Variants in DCUN1D3 observed in about 807,000 individuals in gnomAD.
DCUN1D3 encodes defective in cullin neddylation 1 domain containing 3.
Under a neutral mutation model 24.8 loss-of-function variants are expected in DCUN1D3, and 6 were observed. The observed-to-expected ratio is 0.24, with a 90% CI of 0.13 to 0.48. DCUN1D3 has a LOEUF of 0.48. Ranked by LOEUF, DCUN1D3 falls within the 20% of genes least tolerant of loss-of-function variation. The probability of loss-of-function intolerance (pLI) is 0.99; values close to 1 mark genes in which losing one functional copy is unlikely to be tolerated. For synonymous variants in DCUN1D3, 120 were observed against 144.9 expected, an observed-to-expected ratio of 0.83 and a Z score of 1.24; for missense variants, 258 against 379.4, an observed-to-expected ratio of 0.68 and a Z score of 2.66.
In DCUN1D3 at chr16:20,862,364, C is replaced by A. The variant is rs755845816; in HGVS notation, c.175G>T (p.Ala59Ser). 6.2e-6 allele frequency: 10 copies of A among 1,614,074 alleles called. No individual in the cohort carries two copies. In the Admixed American group the frequency reaches 1.7e-4, roughly 27 times the overall value. ...GDILVNGTKK[A>S]EAATEACQLP... ...TGGCAGGCCTCAGTGGCAGCCTCGG[C>A]CTTCTTGGTCCCGTTGACGAGGATA... is the stretch of plus-strand genomic sequence containing the variant. Residue 59 changes from alanine to serine, a missense_variant, in exon 2 of 3, where the codon GCC becomes TCC. Ala to Ser is a moderately conservative substitution (Grantham distance 99). Transcript: ENST00000324344.
chr16:20,863,608 T>C (rs958790864), intron 1 of DCUN1D3, among the ~76,000 whole-genome samples: 10 of 152,024 alleles, frequency 6.6e-5, no homozygotes, highest in South Asian at 4.2e-4. Context: ...TAGTTGGGTG[T>C]GGTGATGCAC....
intron 1 of DCUN1D3, among the ~76,000 whole-genome samples, chr16:20,877,599 G>C (rs990421190): frequency 6.6e-5 from 10 of 152,200 alleles, no homozygotes; most frequent in African/African-American, 2.2e-4. Context: ...AGGCTTTATT[G>C]CTTTAAATAT....
At chr16:20,861,240 G>C (rs1195960662) in intron 2 of DCUN1D3, among the ~76,000 whole-genome samples, 1 of 152,208 alleles carries the variant, frequency 6.6e-6, no homozygotes, top group Non-Finnish European at 1.5e-5. Flanking sequence ...TGGCTTCATG[G>C]AGGGAGAGAG....
At chr16:20,895,345 C>T (rs1405215899) in intron 1 of DCUN1D3, among the ~76,000 whole-genome samples, 1 of 152,118 alleles carries the variant, frequency 6.6e-6, no homozygotes. Context: ...AATCCTCCCA[C>T]ATAATAAAAC....
intron 1 of DCUN1D3, among the ~76,000 whole-genome samples, chr16:20,880,621 A>C (rs2081838619): frequency 6.8e-6 from 1 of 146,536 alleles, no homozygotes; most frequent in Non-Finnish European, 1.5e-5. Flanking sequence ...AAAAAAAAAA[A>C]AAAAAAAACA....
intron 1 of DCUN1D3, among the ~76,000 whole-genome samples, chr16:20,884,027 A>T (rs923947293): frequency 6.6e-6 from 1 of 152,218 alleles, no homozygotes; most frequent in African/African-American, 2.4e-5. Context: ...AGGTTATTCT[A>T]CCATGAGAAG....
chr16:20,895,532 G>A (rs778088700), intron 1 of DCUN1D3, among the ~76,000 whole-genome samples: 91 of 152,272 alleles, frequency 6.0e-4, no homozygotes, highest in Middle Eastern at 3.4e-3. Flanking sequence ...ACCACTTTAT[G>A]TAAGTCTTGA....
intron 1 of DCUN1D3, among the ~76,000 whole-genome samples, chr16:20,878,147 A>G (rs2081825486): frequency 6.6e-6 from 1 of 152,066 alleles, no homozygotes; most frequent in Admixed American, 6.5e-5. Context: ...CATTCGAAGC[A>G]CCCACTACCT....
chr16:20,859,740 C>A lies in DCUN1D3; in HGVS notation c.*146G>T. 9.8e-6 allele frequency: 11 copies of A among 1,121,364 alleles called. No individual in the cohort carries two copies. The highest frequency in any genetic ancestry group is 2.0e-5 in the South Asian group (1 of 49,828). The allele number at this position is 1,121,364 out of a possible 1,614,324, so 69.5% of individuals were successfully genotyped here. On this transcript the variant is annotated 3_prime_UTR_variant, in exon 3 of 3. Coordinates refer to ENST00000324344, the MANE Select transcript of DCUN1D3 (RefSeq NM_173475.4). ...AGAAAGTGCCTAAAACATGATACAG[C>A]ATTTTAGAGCCCTTTCAGATACAAG...
chr16:20,894,413 C>T (rs2081905956), intron 1 of DCUN1D3, among the ~76,000 whole-genome samples: 1 of 152,324 alleles, frequency 6.6e-6, no homozygotes, highest in African/African-American at 2.4e-5. Flanking sequence ...ACACTATACA[C>T]TGCTGCTATC....
intron 1 of DCUN1D3, among the ~76,000 whole-genome samples, chr16:20,866,239 T>G (rs966657992): frequency 6.6e-6 from 1 of 152,212 alleles, no homozygotes; most frequent in African/African-American, 2.4e-5. Context: ...TCCAGATTTG[T>G]GTTCCTAAAG....
At chr16:20,863,091 G>A (rs2081742068) in intron 1 of DCUN1D3, among the ~76,000 whole-genome samples, 1 of 152,198 alleles carries the variant, frequency 6.6e-6, no homozygotes, top group Non-Finnish European at 1.5e-5. Context: ...GTAGGGAGAA[G>A]GGGTGGCCAT....
chr16:20,890,254 C>A (rs1012854983), intron 1 of DCUN1D3, among the ~76,000 whole-genome samples: 1 of 152,092 alleles, frequency 6.6e-6, no homozygotes, highest in Non-Finnish European at 1.5e-5. Flanking sequence ...GTCTGCTGGG[C>A]AGAAGTTCAG....
At chr16:20,871,857 C>T (rs971608953) in intron 1 of DCUN1D3, among the ~76,000 whole-genome samples, 3 of 152,162 alleles carry the variant, frequency 2.0e-5, no homozygotes, top group Non-Finnish European at 4.4e-5. Context: ...TAAATGGGCA[C>T]CAAATTTCTA....
chr16:20,867,176 C>T (rs1253445612), intron 1 of DCUN1D3, among the ~76,000 whole-genome samples: 2 of 152,200 alleles, frequency 1.3e-5, no homozygotes, highest in Non-Finnish European at 2.9e-5. Flanking sequence ...CATGATCACA[C>T]ATCTGGCTCA....
intron 1 of DCUN1D3, among the ~76,000 whole-genome samples, chr16:20,899,163 G>C (rs2081941456): frequency 6.6e-6 from 1 of 152,186 alleles, no homozygotes; most frequent in African/African-American, 2.4e-5. Flanking sequence ...AAACAAAAAA[G>C]TAATATGGGG....
chr16:20,895,894 C>G (rs2081913539), intron 1 of DCUN1D3, among the ~76,000 whole-genome samples: 1 of 152,228 alleles, frequency 6.6e-6, no homozygotes, highest in South Asian at 2.1e-4. Flanking sequence ...TAAGTTACCA[C>G]TTCTTCACCT....
intron 1 of DCUN1D3, among the ~76,000 whole-genome samples, chr16:20,870,205 G>A (rs567142359): frequency 5.3e-5 from 8 of 152,258 alleles, no homozygotes; most frequent in Admixed American, 4.6e-4. Flanking sequence ...CATTCAGTGA[G>A]GCCAAAGTTC....
In DCUN1D3 at chr16:20,858,064, A is replaced by C. The variant is rs868743826; in HGVS notation, c.*1822T>G. 6.6e-6 allele frequency: 1 copy of C among 152,656 alleles called. No homozygotes were observed. Among genetic ancestry groups the C allele is most frequent in the African/African-American group, 2.4e-5 (1 of 41,466 alleles). The allele number at this position is 152,656 out of a possible 1,614,324, so 9.5% of individuals were successfully genotyped here. On this transcript the variant is annotated 3_prime_UTR_variant, in exon 3 of 3. Coordinates refer to ENST00000324344, the MANE Select transcript of DCUN1D3 (RefSeq NM_173475.4). ...TAACAGACAAAGTCTCATTACCTCA[A>C]GAGTATAAATATTTTTATACGTTTT...
Sources: allele counts gnomAD v4.1 joint callset (sites outside exome capture counted in the v4.1 genomes callset), GRCh38; gene constraint gnomAD v4.1.1; transcripts MANE v1.5; gene names NCBI Gene and HGNC (gene_info 2026-07-23, HGNC 2026-07-21).